ATP6V0A4: variants seen among roughly 807,000 people sequenced by gnomAD.
ATP6V0A4 encodes the protein V-type proton ATPase 116 kDa subunit a 4.
Under a neutral mutation model 107.3 loss-of-function variants are expected in ATP6V0A4, and 86 were observed. The ratio of observed to expected loss-of-function variants is 0.80; its 90% CI spans 0.67 to 0.96. ATP6V0A4 has a LOEUF of 0.96. Among genes scored for constraint, ATP6V0A4 ranks in the 40% least tolerant of loss-of-function variants. ATP6V0A4 has a pLI of 0.00. For missense variants in ATP6V0A4, 908 were observed against 1,045.6 expected (o/e 0.87, Z 1.81); for synonymous variants, 353 against 381.4 (o/e 0.93, Z 0.87).
At chr7:138,729,660 G>A (rs561334394) in intron 17 of ATP6V0A4, among the ~76,000 whole-genome samples, 1 of 152,274 alleles carries the variant, frequency 6.6e-6, no homozygotes, top group Admixed American at 6.5e-5. Flanking sequence ...AGCTGCTATG[G>A]TCAAAAGAAC....
At chr7:138,780,624 C>T (rs1167507917) in intron 2 of ATP6V0A4, among the ~76,000 whole-genome samples, 3 of 152,234 alleles carry the variant, frequency 2.0e-5, no homozygotes, top group Non-Finnish European at 4.4e-5. Context: ...CCACGCACAA[C>T]CTCCATCCCT....
At chr7:138,765,169 G>A (rs1807022803) in intron 5 of ATP6V0A4, among the ~76,000 whole-genome samples, 1 of 152,014 alleles carries the variant, frequency 6.6e-6, no homozygotes, top group Non-Finnish European at 1.5e-5. Flanking sequence ...CTTAGTATTA[G>A]ACAAAATTGA....
chr7:138,718,231 C>T (rs142329866), intron 19 of ATP6V0A4, among the ~76,000 whole-genome samples: 1,063 of 8,696 alleles, frequency 0.12, 267 homozygotes, highest in African/African-American at 0.28. Context: ...TGTGTGTGTG[C>T]GCGCAGTTAT....
chr7:138,715,700 A>G (rs565033241), intron 20 of ATP6V0A4, 64 bp downstream of exon 20: 2 of 1,571,062 alleles, frequency 1.3e-6, no homozygotes, highest in African/African-American at 2.7e-5. Context: ...TTCCAAATAC[A>G]TGGCACCTAT....
chr7:138,763,551 C>T (rs1180831700), intron 5 of ATP6V0A4, among the ~76,000 whole-genome samples: 1 of 152,066 alleles, frequency 6.6e-6, no homozygotes, highest in Non-Finnish European at 1.5e-5. Flanking sequence ...TTATTTGAAC[C>T]CGGGAGGCAG....
At position 138,733,107 on chromosome 7, in the gene ATP6V0A4, A is replaced by G. The variant is rs1244543151; in HGVS notation, c.1692-14T>C. On this transcript the variant is annotated splice_polypyrimidine_tract_variant and intron_variant, in intron 16 of 21. Transcript: ENST00000310018. ...CTTCTGAAGTATCTGGGGGTGGAAG[A>G]CACACACATACACAAGATAGAACAT... is the stretch of plus-strand genomic sequence containing the variant. The G allele has an allele frequency of 7.4e-6, 12 of 1,613,872 alleles. No individual in the cohort carries two copies. The highest frequency in any genetic ancestry group is 3.3e-5 in the Admixed American group (2 of 59,982).
intron 5 of ATP6V0A4, among the ~76,000 whole-genome samples, chr7:138,766,889 T>A (rs188634905): frequency 6.6e-6 from 1 of 152,258 alleles, no homozygotes; most frequent in Non-Finnish European, 1.5e-5. Context: ...AAGAAGAATA[T>A]CCATAATTAT....
intron 18 of ATP6V0A4, among the ~76,000 whole-genome samples, chr7:138,728,075 C>T (rs1804807060): frequency 6.6e-6 from 1 of 151,968 alleles, no homozygotes; most frequent in African/African-American, 2.4e-5. Context: ...ATGAAAAAAG[C>T]TTTTAATATT....
At chr7:138,781,114 G>T (rs1011340768) in intron 2 of ATP6V0A4, among the ~76,000 whole-genome samples, 1 of 152,172 alleles carries the variant, frequency 6.6e-6, no homozygotes, top group Non-Finnish European at 1.5e-5. Context: ...CAGGAGAGAT[G>T]ATTAAGATCC....
rs548660310 is a variant in ATP6V0A4 at position 138,726,013 on chromosome 7, A to G, written c.2010+2748T>C. Among the ~76,000 whole-genome samples, 8 of 152,174 alleles carry G rather than the reference A, an allele frequency of 5.3e-5. No homozygotes were observed. In the South Asian group the frequency reaches 1.5e-3, roughly 28 times the overall value. ...TATTTATTTATTTATTTTTTGAGAC[A>G]GAGTCTCGTTCTGTCGCCTGGGCTG... is the stretch of plus-strand genomic sequence containing the variant. On this transcript the variant is annotated intron_variant, in intron 18 of 21. Transcript: ENST00000310018.
At chr7:138,709,204 G>A (rs1034642044) in intron 21 of ATP6V0A4, among the ~76,000 whole-genome samples, 1 of 106,900 alleles carries the variant, frequency 9.4e-6, no homozygotes, top group Admixed American at 1.3e-4. Context: ...GTGAGAGCCT[G>A]TCTCAAAAAA....
At chr7:138,743,714 G>T (rs952062894) in intron 14 of ATP6V0A4, among the ~76,000 whole-genome samples, 1 of 152,148 alleles carries the variant, frequency 6.6e-6, no homozygotes, top group African/African-American at 2.4e-5. Flanking sequence ...TCAAAGGAAA[G>T]TTCCAGAATG....
chr7:138,784,214 TTA>T lies in ATP6V0A4; in HGVS notation c.-18+1942_-18+1943del, dbSNP rs1211079839. ...TAATCCACCTATGAATCCTTAAACA[TTA>T]TATATATATATATATATACGTATAT... On this transcript the variant is annotated intron_variant, in intron 2 of 21. Transcript: ENST00000310018. 5.8e-3 allele frequency among the ~76,000 whole-genome samples: 487 copies of T among 83,498 alleles called. 1 individual carries two copies. The highest frequency in any genetic ancestry group is 7.4e-3 in the Non-Finnish European group (317 of 42,598). The allele number at this position is 83,498 out of a possible 152,430, so 54.8% of individuals were successfully genotyped here.
chr7:138,720,881 C>T (rs937446668), intron 19 of ATP6V0A4, among the ~76,000 whole-genome samples: 7 of 152,140 alleles, frequency 4.6e-5, no homozygotes, highest in Admixed American at 1.3e-4. Context: ...AAGTGATCCG[C>T]CCGCCTTGGC....
rs780486242 is a variant in ATP6V0A4 at position 138,756,491 on chromosome 7, T to C, written c.689A>G (p.Gln230Arg). The C allele has an allele frequency of 2.5e-6, 4 of 1,612,634 alleles. No individual in the cohort carries two copies. Among genetic ancestry groups the C allele is most frequent in the Non-Finnish European group, 3.4e-6 (4 of 1,179,412 alleles). ...GATCTTCTTGATTTTCTGCCTGAGC[T>C]GCTCTCCTTGGTAAAATATGATGAA... Reference protein sequence around the residue: ...NIFIIFYQGEQLRQKIKKICD... With the variant: ...NIFIIFYQGERLRQKIKKICD... The change falls in exon 9 of 22, where the codon CAG (glutamine) becomes CGG (arginine). Residue 230 changes from glutamine (Q) to arginine (R), a missense_variant. By Grantham distance (43) the Gln-to-Arg change is conservative. Coordinates refer to ENST00000310018, the MANE Select transcript of ATP6V0A4 (RefSeq NM_020632.3).
chr7:138,713,056 C>T (rs1210653231), intron 20 of ATP6V0A4, among the ~76,000 whole-genome samples: 3 of 151,608 alleles, frequency 2.0e-5, no homozygotes, highest in Admixed American at 6.6e-5. Flanking sequence ...TTTGGGAGGC[C>T]GAGGCGGGCA....
chr7:138,751,531 G>A (rs766496629), intron 11 of ATP6V0A4, among the ~76,000 whole-genome samples: 1 of 150,902 alleles, frequency 6.6e-6, no homozygotes, highest in Non-Finnish European at 1.5e-5. Flanking sequence ...CCCCTGCTTG[G>A]TTTCCTGCCC....
At chr7:138,776,061 C>A (rs959449547) in intron 2 of ATP6V0A4, among the ~76,000 whole-genome samples, 19 of 152,210 alleles carry the variant, frequency 1.2e-4, no homozygotes, top group African/African-American at 4.6e-4. Context: ...AATCCTCCCA[C>A]CTCTGCTTCC....
rs766502189 is a variant in ATP6V0A4, at chr7:138,752,790, G to A, written c.864C>T (p.Ala288=). 28 of 1,614,060 alleles carry A rather than the reference G, an allele frequency of 1.7e-5. No individual in the cohort carries two copies. The highest frequency in any genetic ancestry group is 8.9e-5 in the East Asian group (4 of 44,894). The change falls in exon 11 of 22, where the codon GCC becomes GCT. Residue 288 remains alanine, a synonymous_variant. Coordinates refer to ENST00000310018, the MANE Select transcript of ATP6V0A4 (RefSeq NM_020632.3). ...TGAGCCAGGAGTGCCAGTTGGCAGC[G>A]GCTTCCTGCAGCAGGCGCTGGCGGT... ...ESHRQRLLQE[A]AANWHSWLIK... is the part of the protein sequence containing the mutation.
Sources: gnomAD v4.1 joint callset for allele counts (sites outside exome capture counted in the v4.1 genomes callset) on GRCh38, gnomAD v4.1.1 for gene constraint, MANE v1.5 for transcripts, NCBI Gene and HGNC (gene_info 2026-07-23, HGNC 2026-07-21) for gene names.